LRGUK: variants seen among roughly 807,000 people sequenced by gnomAD.
LRGUK encodes leucine-rich repeat and guanylate kinase domain-containing protein.
In LRGUK, 65 loss-of-function variants were observed where a neutral mutation model predicts 76.0. The observed-to-expected ratio is 0.85, with a 90% CI of 0.70 to 1.05. The LOEUF is 1.05. Among genes scored for constraint, LRGUK ranks in the 50% least tolerant of loss-of-function variants. The pLI, the probability that LRGUK is intolerant of heterozygous loss-of-function variation, is 0.00. For missense variants in LRGUK, 758 were observed against 732.8 expected (o/e 1.03, Z -0.40); for synonymous variants, 268 against 265.6 (o/e 1.01, Z -0.09).
At chr7:134,202,986 C>T (rs943172820) in intron 15 of LRGUK, among the ~76,000 whole-genome samples, 4 of 152,092 alleles carry the variant, frequency 2.6e-5, no homozygotes, top group Non-Finnish European at 4.4e-5. Flanking sequence ...GGGCAGATCA[C>T]GAGGTCAGGA....
chr7:134,188,382 G>A (rs777252565), intron 11 of LRGUK, among the ~76,000 whole-genome samples: 24 of 152,230 alleles, frequency 1.6e-4, no homozygotes, highest in Middle Eastern at 3.4e-3. Flanking sequence ...CGGTCATAAA[G>A]GATTTCTAAA....
intron 2 of LRGUK, among the ~76,000 whole-genome samples, 158 bp downstream of exon 2, chr7:134,137,288 C>T (rs975607568): frequency 6.6e-6 from 1 of 152,180 alleles, no homozygotes; most frequent in Non-Finnish European, 1.5e-5. Context: ...AAATATTAGA[C>T]TTCAAAGAGC....
intron 15 of LRGUK, among the ~76,000 whole-genome samples, chr7:134,205,310 A>G: frequency 6.6e-6 from 1 of 152,110 alleles, no homozygotes; most frequent in South Asian, 2.1e-4. Context: ...ATCCTCTTGT[A>G]AGACAGGAAA....
intron 16 of LRGUK, among the ~76,000 whole-genome samples, chr7:134,244,927 T>C (rs1802256019): frequency 6.6e-6 from 1 of 151,260 alleles, no homozygotes; most frequent in Non-Finnish European, 1.5e-5. Context: ...CTAGAAACCA[T>C]CATTCTGAGC....
chr7:134,205,039 C>T (rs750590033), intron 15 of LRGUK, among the ~76,000 whole-genome samples: 2 of 152,156 alleles, frequency 1.3e-5, no homozygotes, highest in Admixed American at 6.6e-5. Flanking sequence ...GTGTTAACAG[C>T]GAAAGGACAA....
intron 5 of LRGUK, among the ~76,000 whole-genome samples, chr7:134,151,568 A>T (rs1299747633): frequency 6.6e-6 from 1 of 152,106 alleles, no homozygotes; most frequent in Non-Finnish European, 1.5e-5. Flanking sequence ...TAAGCCAGCC[A>T]AGGAGCACTA....
chr7:134,182,651 A>G (rs1382207556), intron 10 of LRGUK, among the ~76,000 whole-genome samples: 1 of 152,148 alleles, frequency 6.6e-6, no homozygotes, highest in Non-Finnish European at 1.5e-5. Flanking sequence ...CACCTCAGCC[A>G]TGTGGTTTTT....
downstream of LRGUK, among the ~76,000 whole-genome samples, chr7:134,267,925 T>TA (rs34178912): frequency 0.39 from 58,294 of 150,670 alleles, 12,331 homozygotes; most frequent in South Asian, 0.5. Flanking sequence ...AATCTAAAAT[T>TA]AAAAAAAAAT....
intron 5 of LRGUK, among the ~76,000 whole-genome samples, chr7:134,153,073 T>C (rs1191852179): frequency 2.0e-5 from 3 of 152,060 alleles, no homozygotes; most frequent in African/African-American, 7.2e-5. Flanking sequence ...TCAAGCATGC[T>C]CATTATATTT....
Position 134,197,239 on chromosome 7 carries a change from T to G in LRGUK, c.1545+134T>G, listed in dbSNP as rs1320215226. ...AATTGAGGTACATATATGGGGTACA[T>G]GCGTTAATGTATATACATATTTGAG... On this transcript the variant is annotated intron_variant, in intron 13 of 15. Transcript: ENST00000645682. 3 of 559,222 alleles carry G rather than the reference T, an allele frequency of 5.4e-6. No individual in the cohort carries two copies. In the East Asian group the frequency reaches 8.9e-5, roughly 17 times the overall value. 34.6% of individuals were successfully genotyped at this position (559,222 alleles called of 1,614,324 possible).
Position 134,191,764 on chromosome 7 carries a change from G to C in LRGUK, c.1431+13G>C. The C allele has an allele frequency of 6.4e-7, 1 of 1,553,780 alleles. No homozygotes were observed. The highest frequency in any genetic ancestry group is 8.8e-7 in the Non-Finnish European group (1 of 1,130,772). On this transcript the variant is annotated intron_variant, in intron 12 of 15. Transcript: ENST00000645682. ...AATGGTGAACATGGTAAGAATGTTTGCCTTTGTTTTTATTGCACAAGAAAT... is the reference window on the plus strand; with the variant it reads ...AATGGTGAACATGGTAAGAATGTTTCCCTTTGTTTTTATTGCACAAGAAAT...
At chr7:134,136,131 G>A (rs2116818168) in intron 1 of LRGUK, among the ~76,000 whole-genome samples, 1 of 152,126 alleles carries the variant, frequency 6.6e-6, no homozygotes, top group East Asian at 1.9e-4. Flanking sequence ...GATCACTTAT[G>A]TTTTGTGTTC....
chr7:134,271,780 T>G, the LRGUK span, among the ~76,000 whole-genome samples: 3 of 152,078 alleles, frequency 2.0e-5, no homozygotes, highest in African/African-American at 7.2e-5. Flanking sequence ...GTATCTTTAG[T>G]GAGATTTATT....
chr7:134,234,535 A>G (rs752389898), intron 16 of LRGUK, among the ~76,000 whole-genome samples: 35 of 152,138 alleles, frequency 2.3e-4, no homozygotes, highest in Non-Finnish European at 4.4e-4. Context: ...TATAATGACT[A>G]TCTTACTGTA....
intron 11 of LRGUK, among the ~76,000 whole-genome samples, chr7:134,184,463 G>T (rs1585513282): frequency 6.6e-6 from 1 of 151,790 alleles, no homozygotes. Flanking sequence ...TAGAGAAGGG[G>T]TTTCACCATG....
rs138677833 is a variant in LRGUK, at chr7:134,254,625, C to T, written c.2199-3632C>T. Among the ~76,000 whole-genome samples the T allele has an allele frequency of 3.9e-3, 590 of 152,174 alleles. 7 individuals carry two copies. The highest frequency in any genetic ancestry group is 0.013 in the African/African-American group (528 of 41,518). The stretch of plus-strand genomic sequence containing the variant: ...TAACCTAAGCACCTCCTGAAGACCC[C>T]GCCTCCTAATGTCATTACCTTGGGG... On this transcript the variant is annotated intron_variant, in intron 18 of 19. Coordinates refer to the LRGUK transcript ENST00000285928.
chr7:134,242,756 G>C (rs866410914), intron 16 of LRGUK, among the ~76,000 whole-genome samples: 2 of 151,984 alleles, frequency 1.3e-5, no homozygotes, highest in South Asian at 4.2e-4. Context: ...ACAAAAAAAA[G>C]AGAATTTAGA....
In LRGUK at chr7:134,221,765, T is replaced by A. The variant is rs1216727493; in HGVS notation, c.1844-14T>A. ...ATGACTTTTATTTTAAACTTTATTT[T>A]TTTTTCCTACCAGATGTTAAGACAT... is the stretch of plus-strand genomic sequence containing the variant. On this transcript the variant is annotated splice_polypyrimidine_tract_variant and intron_variant, in intron 15 of 19. Transcript: ENST00000285928. The A allele has an allele frequency of 6.8e-7, 1 of 1,469,554 alleles. No homozygotes were observed. Among genetic ancestry groups the A allele is most frequent in the Non-Finnish European group, 9.0e-7 (1 of 1,114,050 alleles). The allele number at this position is 1,469,554 out of a possible 1,614,324, so 91.0% of individuals were successfully genotyped here.
downstream of LRGUK, among the ~76,000 whole-genome samples, chr7:134,268,186 G>T (rs1802894572): frequency 6.7e-6 from 1 of 149,882 alleles, no homozygotes; most frequent in South Asian, 2.2e-4. Context: ...ACAAAAAGCT[G>T]ATTCCTTGAA....
Sources: gnomAD v4.1 joint callset for allele counts (sites outside exome capture counted in the v4.1 genomes callset) on GRCh38, gnomAD v4.1.1 for gene constraint, MANE v1.5 for transcripts, NCBI Gene and HGNC (gene_info 2026-07-23, HGNC 2026-07-21) for gene names.